The following SPATA6L variants were observed in gnomAD, a reference collection of about 807,000 sequenced individuals.
SPATA6L encodes the protein spermatogenesis associated 6-like protein.
In SPATA6L, 68 loss-of-function variants were observed where a neutral mutation model predicts 49.2. That is an observed-to-expected ratio of 1.38 (90% CI 1.14 to 1.69). The LOEUF (loss-of-function observed/expected upper bound fraction) is 1.69. Ranked by LOEUF, SPATA6L falls within the 40% of genes most tolerant of loss-of-function variation. The pLI is 0.00. For synonymous variants in SPATA6L, 198 were observed against 165.7 expected (o/e 1.19, Z -1.50); for missense variants, 668 against 464.3 (o/e 1.44, Z -4.03).
intron 3 of SPATA6L, among the ~76,000 whole-genome samples, chr9:4,651,004 G>C (rs928471076): frequency 3.9e-5 from 6 of 152,084 alleles, no homozygotes; most frequent in African/African-American, 1.4e-4. Flanking sequence ...GCCCGGCGTA[G>C]AAATAATTTT....
chr9:4,625,778 T>C (rs961376760), intron 5 of SPATA6L: 7 of 356,412 alleles, frequency 2.0e-5, no homozygotes, highest in African/African-American at 8.5e-5. Context: ...GCTAGTATAA[T>C]GTATTCAACT....
intron 2 of SPATA6L, among the ~76,000 whole-genome samples, chr9:4,660,286 CA>C (rs554816055): frequency 3.9e-5 from 6 of 152,200 alleles, no homozygotes; most frequent in Non-Finnish European, 8.8e-5. Flanking sequence ...ACTCATCTGA[CA>C]AAAGGGTTAA....
At chr9:4,635,961 T>A (rs201619335) in intron 3 of SPATA6L, among the ~76,000 whole-genome samples, 1 of 152,220 alleles carries the variant, frequency 6.6e-6, no homozygotes, top group Non-Finnish European at 1.5e-5. Context: ...CTCATGCACA[T>A]CACACTATCT....
intron 9 of SPATA6L, among the ~76,000 whole-genome samples, chr9:4,610,786 A>C (rs1386564564): frequency 5.9e-5 from 9 of 152,214 alleles, no homozygotes; most frequent in African/African-American, 1.9e-4. Flanking sequence ...CAAAAGCCAA[A>C]ATTGACAAAT....
In SPATA6L at chr9:4,605,921, T is replaced by C. The variant is rs1054066935; in HGVS notation, c.996-481A>G. Among the ~76,000 whole-genome samples the C allele has an allele frequency of 2.9e-4, 44 of 152,112 alleles. 2 individuals are homozygous for C. In the South Asian group the frequency reaches 6.8e-3, roughly 24 times the overall value. On this transcript the variant is annotated intron_variant, in intron 9 of 11. Coordinates refer to ENST00000682582, the MANE Select transcript of SPATA6L (RefSeq NM_001353486.2). ...GTAGCGGGTTCATCTCACTAGGGAG[T>C]GCCAGACAGTGGGCGCAGGCCAGTG...
At chr9:4,595,173 T>C (rs997924916), downstream of SPATA6L, among the ~76,000 whole-genome samples, 1 of 152,190 alleles carries the variant, frequency 6.6e-6, no homozygotes, top group Non-Finnish European at 1.5e-5. Flanking sequence ...GTAGTTCACC[T>C]TCACTTTGTA....
chr9:4,664,328 G>GT (rs1840521897), intron 1 of SPATA6L: 1 of 166,870 alleles, frequency 6.0e-6, no homozygotes, highest in African/African-American at 2.4e-5. Flanking sequence ...AAGCTTTCTC[G>GT]TATATACCTG....
chr9:4,623,826 A>C (rs1213432489), intron 6 of SPATA6L, among the ~76,000 whole-genome samples: 1 of 152,232 alleles, frequency 6.6e-6, no homozygotes, highest in Non-Finnish European at 1.5e-5. Flanking sequence ...AGTAAATCAG[A>C]TATATTTTCA....
In SPATA6L at chr9:4,622,576, C is replaced by A. The variant is rs546803005; in HGVS notation, c.670-66G>T. The A allele has an allele frequency of 9.0e-6, 10 of 1,110,004 alleles. No homozygotes were observed. The South Asian group carries it at 9.5e-5, about 11-fold the overall frequency. The allele number at this position is 1,110,004 out of a possible 1,614,324, so 68.8% of individuals were successfully genotyped here. On this transcript the variant is annotated intron_variant, in intron 6 of 11. Transcript: ENST00000682582. The stretch of plus-strand genomic sequence containing the variant: ...GCTTCTAGTACCCTCCCCTCGTTAC[C>A]GGAATGCCTGTCTCCCCCTCAATCA...
intron 13 of SPATA6L, among the ~76,000 whole-genome samples, chr9:4,593,259 T>C (rs773109853): frequency 1.3e-5 from 2 of 152,230 alleles, no homozygotes; most frequent in Non-Finnish European, 2.9e-5. Flanking sequence ...ACATTTTATT[T>C]GATACAACCA....
Position 4,635,394 on chromosome 9 carries a change from C to G in SPATA6L, c.232G>C (p.Asp78His). Reference protein sequence around the residue: ...GAVVDLLEMWDELAYYEENTR... With the variant: ...GAVVDLLEMWHELAYYEENTR... Reference sequence around the variant, plus strand: ...TTTTCTTCGTAGTAGGCCAACTCATCCCACACTAGAAAGAAAATAGAAAAA... The same window carrying G: ...TTTTCTTCGTAGTAGGCCAACTCATGCCACACTAGAAAGAAAATAGAAAAA... Residue 78 changes from aspartate (D) to histidine (H), a missense_variant, in exon 4 of 12, where the codon GAT becomes CAT. Asp to His is a moderately conservative substitution (Grantham distance 81). Coordinates refer to ENST00000682582, the MANE Select transcript of SPATA6L (RefSeq NM_001353486.2). The G allele has an allele frequency of 2.5e-6, 4 of 1,577,220 alleles. No homozygotes were observed. Among genetic ancestry groups the G allele is most frequent in the Non-Finnish European group, 3.4e-6 (4 of 1,168,952 alleles).
intron 9 of SPATA6L, among the ~76,000 whole-genome samples, chr9:4,612,813 A>G (rs1219287337): frequency 6.6e-6 from 1 of 152,128 alleles, no homozygotes; most frequent in African/African-American, 2.4e-5. Context: ...CCATCCATTA[A>G]TATTCAGGAG....
intron 11 of SPATA6L, among the ~76,000 whole-genome samples, chr9:4,603,582 C>T (rs1232928512): frequency 6.6e-6 from 1 of 152,148 alleles, no homozygotes; most frequent in African/African-American, 2.4e-5. Context: ...AATGTGATTC[C>T]ATTGTATGGC....
At chr9:4,642,223 G>C (rs1587352157) in intron 3 of SPATA6L, among the ~76,000 whole-genome samples, 1 of 152,178 alleles carries the variant, frequency 6.6e-6, no homozygotes, top group East Asian at 1.9e-4. Flanking sequence ...TAAGACCAAA[G>C]TGGGCATGCT....
chr9:4,642,560 A>C (rs1012883739), intron 3 of SPATA6L, among the ~76,000 whole-genome samples: 1 of 152,192 alleles, frequency 6.6e-6, no homozygotes, highest in African/African-American at 2.4e-5. Context: ...TCCTGGGTTC[A>C]CTGCACTTCA....
chr9:4,627,747 G>T, intron 5 of SPATA6L: 1 of 1,289,280 alleles, frequency 7.8e-7, no homozygotes, highest in Non-Finnish European at 1.0e-6. Context: ...GACGCTTCAC[G>T]CTTACCAAAG....
chr9:4,646,933 G>T (rs545076210), intron 3 of SPATA6L, among the ~76,000 whole-genome samples: 4 of 152,062 alleles, frequency 2.6e-5, no homozygotes, highest in Non-Finnish European at 5.9e-5. Flanking sequence ...TGAAGGGTGG[G>T]AGAAGAGAGA....
At chr9:4,628,094 A>C (rs1830689063) in intron 5 of SPATA6L, 2 of 303,166 alleles carry the variant, frequency 6.6e-6, no homozygotes, top group South Asian at 5.5e-5. Flanking sequence ...GATGGTTACC[A>C]GAGGCTGGGA....
chr9:4,631,422 TA>T (rs1203133799), intron 4 of SPATA6L, among the ~76,000 whole-genome samples: 1 of 152,126 alleles, frequency 6.6e-6, no homozygotes, highest in African/African-American at 2.4e-5. Flanking sequence ...TATTATCTTT[TA>T]TTATCTATTA....
Sources: allele counts gnomAD v4.1 joint callset (sites outside exome capture counted in the v4.1 genomes callset), GRCh38; gene constraint gnomAD v4.1.1; transcripts MANE v1.5; gene names NCBI Gene and HGNC (gene_info 2026-07-23, HGNC 2026-07-21).